ITPRID2: variants seen among roughly 807,000 people sequenced by gnomAD.
The protein encoded by ITPRID2 is protein ITPRID2.
Under a neutral mutation model 124.3 loss-of-function variants are expected in ITPRID2, and 60 were observed. The observed-to-expected ratio is 0.48, with a 90% confidence interval of 0.39 to 0.60. The LOEUF (loss-of-function observed/expected upper bound fraction) is 0.60, where lower values mean the gene tolerates loss of function less well. Among genes scored for constraint, ITPRID2 ranks in the 20% least tolerant of loss-of-function variants. ITPRID2 has a pLI of 0.00. For missense variants in ITPRID2, 1,553 were observed against 1,512.2 expected, an observed-to-expected ratio of 1.03 and a Z score of -0.45; for synonymous variants, 521 against 542.9, an observed-to-expected ratio of 0.96 and a Z score of 0.56.
rs541727263 is a variant in ITPRID2 at position 181,903,763 on chromosome 2, G to A, written c.1413+1297G>A. On this transcript the variant is annotated intron_variant, in intron 8 of 17. Transcript: ENST00000431877. ...GGTATAATTTATTTCTCATCGTAAT[G>A]AGTATGGAAGATGACTGTGATGACT... is the stretch of plus-strand genomic sequence containing the variant. Among the ~76,000 whole-genome samples, 21 of 151,954 alleles carry A rather than the reference G, an allele frequency of 1.4e-4. No individual in the cohort carries two copies. The South Asian group carries it at 4.4e-3, about 32-fold the overall frequency.
In ITPRID2 at chr2:181,902,397, T is replaced by C. The variant is rs758325171; in HGVS notation, c.1344T>C (p.Cys448=). ...VHISTPEKEP[C]APLTIPSIRN... The stretch of plus-strand genomic sequence containing the variant: ...TATCCACACCTGAAAAAGAGCCTTG[T>C]GCACCACTGACAATACCATCCATAA... The change falls in exon 8 of 18, where the codon TGT becomes TGC. Residue 448 remains cysteine (C), a synonymous_variant. Coordinates refer to ENST00000431877, the MANE Select transcript of ITPRID2 (RefSeq NM_001130445.3). This position sits in a 1 kb window ranked among gnomAD's most constrained non-coding sequence, Gnocchi z 4.4. The C allele has an allele frequency of 1.9e-5, 31 of 1,613,308 alleles. No individual in the cohort carries two copies. The Admixed American group carries it at 5.2e-4, about 27-fold the overall frequency.
At chr2:181,923,196 A>C (rs1694610728) in intron 16 of ITPRID2, among the ~76,000 whole-genome samples, 1 of 152,174 alleles carries the variant, frequency 6.6e-6, no homozygotes, top group Non-Finnish European at 1.5e-5. Context: ...TGTTTTTTGC[A>C]CTGAGATCAG....
chr2:181,904,412 T>A (rs1383016189), intron 8 of ITPRID2, among the ~76,000 whole-genome samples: 1 of 152,172 alleles, frequency 6.6e-6, no homozygotes, highest in East Asian at 1.9e-4. Context: ...TATCTTCAGA[T>A]ATATTTAAAA....
Position 181,915,436 on chromosome 2 carries a change from G to GCAA in ITPRID2, c.1799_1801dup (p.Asn600dup). ...TCAGGTAGCCAGGATTTCCCTCAGT[G>GCAA]CAACACCATTGAGAATACAGGAACT... On this transcript the variant is annotated inframe_insertion, in exon 11 of 18. Coordinates refer to ENST00000431877, the MANE Select transcript of ITPRID2 (RefSeq NM_001130445.3). 6.2e-7 allele frequency: 1 copy of GCAA among 1,614,112 alleles called. No homozygotes were observed.
chr2:181,902,872 G>T lies in ITPRID2; in HGVS notation c.1413+406G>T, dbSNP rs569612612. On this transcript the variant is annotated intron_variant, in intron 8 of 17. Coordinates refer to ENST00000431877, the MANE Select transcript of ITPRID2 (RefSeq NM_001130445.3). This position sits in a 1 kb window ranked among gnomAD's most constrained non-coding sequence, Gnocchi z 4.4. ...TGAATGACTGTATGCCTTTGGGCAA[G>T]CTTTTCTTAACATATCTCAGTGGTA... Among the ~76,000 whole-genome samples the T allele has an allele frequency of 9.8e-5, 15 of 152,338 alleles. No homozygotes were observed. The highest frequency in any genetic ancestry group is 2.1e-4 in the Non-Finnish European group (14 of 68,030).
intron 9 of ITPRID2, among the ~76,000 whole-genome samples, chr2:181,913,375 G>A (rs1167888235): frequency 6.6e-6 from 1 of 152,120 alleles, no homozygotes; most frequent in Admixed American, 6.5e-5. Context: ...CCCTAACTGT[G>A]TTTTTTAAAT....
In ITPRID2 at chr2:181,892,008, CT is replaced by C; in HGVS notation, c.-58del. The C allele has an allele frequency of 6.6e-7, 1 of 1,514,070 alleles. No individual in the cohort carries two copies. The highest frequency in any genetic ancestry group is 8.9e-7 in the Non-Finnish European group (1 of 1,125,786). 93.8% of individuals were successfully genotyped at this position (1,514,070 alleles called of 1,614,324 possible). A position where few individuals can be genotyped will look rare whatever the true frequency, so the allele number is the denominator to read the frequency against. On this transcript the variant is annotated 5_prime_UTR_variant, in exon 1 of 18. Transcript: ENST00000431877. The surrounding 1 kb of genome is among the most constrained non-coding windows in gnomAD (Gnocchi z 5.2). ...GCGCTGACAGCAAGGGCGGGGGTCC[CT>C]GCCGCCGCCTTGTCTCGCGCAGGGT...
Position 181,902,482 on chromosome 2 carries a change from C to G in ITPRID2, c.1413+16C>G, listed in dbSNP as rs759298510. The G allele has an allele frequency of 6.7e-7, 1 of 1,489,000 alleles. No individual in the cohort carries two copies. The highest frequency in any genetic ancestry group is 1.4e-5 in the South Asian group (1 of 69,118). The allele number at this position is 1,489,000 out of a possible 1,614,324, so 92.2% of individuals were successfully genotyped here. A position where few individuals can be genotyped will look rare whatever the true frequency, so the allele number is the denominator to read the frequency against. ...AATGGAAGAGGTAGGTAAAAAATTA[C>G]TGAGACTGGTTTCAAGTTGCAGACT... On this transcript the variant is annotated intron_variant, in intron 8 of 17. Coordinates refer to ENST00000431877, the MANE Select transcript of ITPRID2 (RefSeq NM_001130445.3). The surrounding 1 kb of genome is among the most constrained non-coding windows in gnomAD (Gnocchi z 4.4).
chr2:181,914,605 G>T (rs1333372346), intron 10 of ITPRID2, among the ~76,000 whole-genome samples: 1 of 152,202 alleles, frequency 6.6e-6, no homozygotes, highest in African/African-American at 2.4e-5. Context: ...CTTTCAGAAG[G>T]TATGGAAGAA....
chr2:181,920,534 A>T, intron 14 of ITPRID2, 63 bp from the exon 15 acceptor site: 1 of 1,157,522 alleles, frequency 8.6e-7, no homozygotes, highest in East Asian at 2.5e-5. Context: ...CATTATAATT[A>T]TATATGCATG....
At position 181,891,992 on chromosome 2, in the gene ITPRID2, G is replaced by T; in HGVS notation, c.-75G>T. ...CCCCCTGCCCGGCCGGGCGCTGACA[G>T]CAAGGGCGGGGGTCCCTGCCGCCGC... On this transcript the variant is annotated 5_prime_UTR_variant, in exon 1 of 18. Coordinates refer to ENST00000431877, the MANE Select transcript of ITPRID2 (RefSeq NM_001130445.3). The T allele has an allele frequency of 7.3e-7, 1 of 1,369,520 alleles. No individual in the cohort carries two copies. 84.8% of individuals were successfully genotyped at this position (1,369,520 alleles called of 1,614,324 possible). A position where few individuals can be genotyped will look rare whatever the true frequency, so the allele number is the denominator to read the frequency against.
Position 181,891,881 on chromosome 2 carries a change from CCCTTCCCTCCCCTT to C in ITPRID2, c.-174_-161del, listed in dbSNP as rs896292135. 2 of 356,472 alleles carry C rather than the reference CCCTTCCCTCCCCTT, an allele frequency of 5.6e-6. No individual in the cohort carries two copies. Among genetic ancestry groups the C allele is most frequent in the African/African-American group, 4.6e-5 (2 of 43,556 alleles). The allele number at this position is 356,472 out of a possible 1,614,324, so 22.1% of individuals were successfully genotyped here. ...TTCATGTGAAGCGCCGGCCCTCCGCCCCTTCCCTCCCCTTCCTTCCCTCCCTCCCTCCCTGTCCC... is the reference window on the plus strand; with the variant it reads ...TTCATGTGAAGCGCCGGCCCTCCGCCCCTTCCCTCCCTCCCTCCCTGTCCC... On this transcript the variant is annotated 5_prime_UTR_variant, in exon 1 of 18. Coordinates refer to ENST00000431877, the MANE Select transcript of ITPRID2 (RefSeq NM_001130445.3).
At chr2:181,917,104 A>G in intron 11 of ITPRID2, 1 of 784,092 alleles carries the variant, frequency 1.3e-6, no homozygotes, top group Non-Finnish European at 1.5e-6. Context: ...TCCCAAAAAA[A>G]TTTTGAAAAT....
chr2:181,906,587 A>G (rs1693142093), intron 8 of ITPRID2, among the ~76,000 whole-genome samples: 1 of 151,998 alleles, frequency 6.6e-6, no homozygotes, highest in Non-Finnish European at 1.5e-5. Context: ...AAATAGTTTT[A>G]AAATTAGCCG....
Position 181,924,629 on chromosome 2 carries a change from G to T in ITPRID2, c.3675+2217G>T, listed in dbSNP as rs1273181598. ...GCGTTCATGGATGCATGAAAACAAT[G>T]GTATCTGTCAGGCCTTTGTTTCTTT... is the stretch of plus-strand genomic sequence containing the variant. On this transcript the variant is annotated intron_variant, in intron 16 of 17. Transcript: ENST00000431877. Among the ~76,000 whole-genome samples the T allele has an allele frequency of 4.6e-5, 7 of 152,110 alleles. No individual in the cohort carries two copies. The East Asian group carries it at 1.3e-3, about 29-fold the overall frequency.
intron 11 of ITPRID2, chr2:181,917,357 T>C (rs1316107300): frequency 6.6e-6 from 1 of 152,198 alleles, no homozygotes; most frequent in African/African-American, 2.4e-5. Context: ...AAGATATACC[T>C]CCTCTTAACT....
rs369354387 is a variant in ITPRID2 at position 181,915,881 on chromosome 2, A to G, written c.2241A>G (p.Pro747=). ...CTTTACCAACCACCTTATTGAGCCCAGTAAGGGTTGTGTCCTCTGTCAATG... is the reference window on the plus strand; with the variant it reads ...CTTTACCAACCACCTTATTGAGCCCGGTAAGGGTTGTGTCCTCTGTCAATG... The part of the protein sequence containing the change: ...SQSLPTTLLS[P]VRVVSSVNVR... The change falls in exon 11 of 18, where the codon CCA becomes CCG. Residue 747 remains proline (P), a synonymous_variant. Coordinates refer to ENST00000431877, the MANE Select transcript of ITPRID2 (RefSeq NM_001130445.3). 1 of 1,614,256 alleles carries G rather than the reference A, an allele frequency of 6.2e-7. No homozygotes were observed. Among genetic ancestry groups the G allele is most frequent in the Non-Finnish European group, 8.5e-7 (1 of 1,180,050 alleles).
In ITPRID2 at chr2:181,896,832, TTAAC is replaced by T; in HGVS notation, c.308-72_308-69del. 1 of 1,172,576 alleles carries T rather than the reference TTAAC, an allele frequency of 8.5e-7. No homozygotes were observed. Among genetic ancestry groups the T allele is most frequent in the East Asian group, 2.3e-5 (1 of 42,772 alleles). The allele number at this position is 1,172,576 out of a possible 1,614,324, so 72.6% of individuals were successfully genotyped here. On this transcript the variant is annotated intron_variant, in intron 3 of 17. Transcript: ENST00000431877. The surrounding 1 kb of genome is among the most constrained non-coding windows in gnomAD (Gnocchi z 4.3). ...GTATAAGATATTTTGCTGGGTGAAT[TTAAC>T]TAAAACAGTGATTTTATATGAGGGT... is the stretch of plus-strand genomic sequence containing the variant.
At position 181,907,363 on chromosome 2, in the gene ITPRID2, ATGTGTGGGTTATTCTAAAGC is replaced by A. The variant is rs1693217681; in HGVS notation, c.1414-2532_1414-2513del. On this transcript the variant is annotated intron_variant, in intron 8 of 17. Transcript: ENST00000431877. This position sits in a 1 kb window ranked among gnomAD's most constrained non-coding sequence, Gnocchi z 5.1. Reference sequence around the variant, plus strand: ...AACTTTTTTAAATGAAGTAACCCAAATGTGTGGGTTATTCTAAAGCTGTTTTTCATCTTTGAATCCCAAAA... The same window carrying A: ...AACTTTTTTAAATGAAGTAACCCAAATGTTTTTCATCTTTGAATCCCAAAA... Among the ~76,000 whole-genome samples the A allele has an allele frequency of 6.6e-6, 1 of 152,102 alleles. No homozygotes were observed. The highest frequency in any genetic ancestry group is 6.6e-5 in the Admixed American group (1 of 15,264).
Sources: gnomAD v4.1 joint callset for allele counts (sites outside exome capture counted in the v4.1 genomes callset) on GRCh38, gnomAD v4.1.1 for gene constraint, Gnocchi (gnomAD v3.1) non-coding constraint, MANE v1.5 for transcripts, NCBI Gene and HGNC (gene_info 2026-07-23, HGNC 2026-07-21) for gene names.